Variants in NAALADL2 observed in about 807,000 individuals in gnomAD.
NAALADL2 encodes the protein N-acetylated alpha-linked acidic dipeptidase like 2.
Under a neutral mutation model 87.2 loss-of-function variants are expected in NAALADL2, and 76 were observed. The observed-to-expected ratio is 0.87, with a 90% CI of 0.72 to 1.05. The LOEUF is 1.05. Among genes scored for constraint, NAALADL2 ranks in the 50% least tolerant of loss-of-function variants. The pLI is 0.00. For missense variants in NAALADL2, 1,089 were observed against 945.8 expected, an observed-to-expected ratio of 1.15 and a Z score of -1.99; for synonymous variants, 354 against 331.0, an observed-to-expected ratio of 1.07 and a Z score of -0.75.
At chr3:174,961,023 C>T (rs1360102435) in intron 1 of NAALADL2, among the ~76,000 whole-genome samples, 1 of 144,992 alleles carries the variant, frequency 6.9e-6, no homozygotes, top group African/African-American at 2.5e-5. Flanking sequence ...GGCTACAGAA[C>T]AAGACCTTGT....
chr3:175,628,617 G>GTATATATATATATATATATATA (rs34276529), intron 11 of NAALADL2, among the ~76,000 whole-genome samples: 23 of 139,190 alleles, frequency 1.7e-4, no homozygotes, highest in African/African-American at 5.5e-4. Flanking sequence ...CTCTCTCTAT[G>GTATATATATATATATATATATA]TATATATATA....
At chr3:174,623,297 A>G (rs1427917599) in intron 2 of NAALADL2, among the ~76,000 whole-genome samples, 1 of 152,186 alleles carries the variant, frequency 6.6e-6, no homozygotes, top group Non-Finnish European at 1.5e-5. Flanking sequence ...ATTACATAAT[A>G]TGTACTAGAG....
At chr3:175,127,607 A>AC (rs1211740521) in intron 2 of NAALADL2, among the ~76,000 whole-genome samples, 1 of 152,218 alleles carries the variant, frequency 6.6e-6, no homozygotes, top group Admixed American at 6.5e-5. Flanking sequence ...ACATTTTGTG[A>AC]CCCCTTATCT....
chr3:174,985,316 C>G (rs1745708175), intron 1 of NAALADL2, among the ~76,000 whole-genome samples: 1 of 152,128 alleles, frequency 6.6e-6, no homozygotes. Flanking sequence ...AGAAGTGATT[C>G]ACAGATGTTG....
chr3:174,640,577 C>T (rs940468080), intron 2 of NAALADL2, among the ~76,000 whole-genome samples: 2 of 152,184 alleles, frequency 1.3e-5, no homozygotes, highest in Non-Finnish European at 2.9e-5. Flanking sequence ...CAAGCCAGGC[C>T]AAGCCGGTAA....
At chr3:175,528,858 A>G (rs1244109207) in intron 9 of NAALADL2, among the ~76,000 whole-genome samples, 1 of 152,248 alleles carries the variant, frequency 6.6e-6, no homozygotes, top group Non-Finnish European at 1.5e-5. Flanking sequence ...TGCTTTTAAC[A>G]AAAGAAGGAG....
At chr3:174,565,090 C>T (rs559883260) in intron 2 of NAALADL2, among the ~76,000 whole-genome samples, 2 of 152,056 alleles carry the variant, frequency 1.3e-5, no homozygotes, top group East Asian at 1.9e-4. Flanking sequence ...ACCACCATCC[C>T]CCCTTGTTTG....
At chr3:174,622,998 G>A (rs948483120) in intron 2 of NAALADL2, among the ~76,000 whole-genome samples, 7 of 152,152 alleles carry the variant, frequency 4.6e-5, no homozygotes, top group Admixed American at 1.3e-4. Context: ...AGCCAAGATC[G>A]CGCCACTGCA....
At chr3:175,227,031 C>A (rs1225089225) in intron 2 of NAALADL2, among the ~76,000 whole-genome samples, 2 of 151,802 alleles carry the variant, frequency 1.3e-5, no homozygotes, top group African/African-American at 4.8e-5. Flanking sequence ...GAAATATCAC[C>A]CGGTATAGTA....
chr3:175,380,486 A>G (rs1767663572), intron 5 of NAALADL2, among the ~76,000 whole-genome samples: 1 of 152,184 alleles, frequency 6.6e-6, no homozygotes, highest in Admixed American at 6.5e-5. Flanking sequence ...AAAGAATTAC[A>G]GACAAAAATA....
intron 2 of NAALADL2, among the ~76,000 whole-genome samples, chr3:174,555,230 G>C (rs1438397608): frequency 1.3e-5 from 2 of 152,176 alleles, no homozygotes; most frequent in Non-Finnish European, 2.9e-5. Flanking sequence ...AAAGAGAAAA[G>C]CATAACAAAT....
At chr3:174,897,044 A>T (rs980905046) in intron 1 of NAALADL2, among the ~76,000 whole-genome samples, 1 of 152,212 alleles carries the variant, frequency 6.6e-6, no homozygotes, top group Admixed American at 6.5e-5. Context: ...TAAATCTAAG[A>T]CTTTAAACTA....
intron 5 of NAALADL2, among the ~76,000 whole-genome samples, chr3:175,398,355 T>TTG (rs1560489498): frequency 4.7e-4 from 71 of 150,636 alleles, no homozygotes; most frequent in Non-Finnish European, 8.7e-4. Context: ...TTTTTTTTTT[T>TTG]TTTTTTTTTT....
chr3:174,475,704 C>T (rs181647728), intron 1 of NAALADL2, among the ~76,000 whole-genome samples: 58 of 152,030 alleles, frequency 3.8e-4, no homozygotes, highest in African/African-American at 1.2e-3. Flanking sequence ...TCAAGGGATT[C>T]AAGTTTAGGA....
intron 3 of NAALADL2, among the ~76,000 whole-genome samples, chr3:174,807,074 C>T (rs1719592334): frequency 6.6e-6 from 1 of 152,046 alleles, no homozygotes; most frequent in Non-Finnish European, 1.5e-5. Flanking sequence ...AAAGTACCTA[C>T]TAGAAATGTG....
intron 2 of NAALADL2, among the ~76,000 whole-genome samples, chr3:175,215,416 G>A (rs965432950): frequency 2.0e-5 from 3 of 151,932 alleles, no homozygotes; most frequent in African/African-American, 7.3e-5. Flanking sequence ...TTCTATGTCC[G>A]GGAGCTGAAG....
intron 5 of NAALADL2, among the ~76,000 whole-genome samples, chr3:175,363,718 A>G (rs774810725): frequency 6.8e-6 from 1 of 148,136 alleles, no homozygotes; most frequent in Non-Finnish European, 1.5e-5. Flanking sequence ...ATTTGCCACT[A>G]TTCTTTAAAA....
chr3:175,652,067 G>T (rs191808004), intron 11 of NAALADL2, among the ~76,000 whole-genome samples: 167 of 152,268 alleles, frequency 1.1e-3, no homozygotes, highest in Admixed American at 5.0e-3. Context: ...TTTCTATGTG[G>T]TGCTAGCTTG....
At chr3:175,635,201 G>A (rs993255037) in intron 11 of NAALADL2, among the ~76,000 whole-genome samples, 9 of 151,926 alleles carry the variant, frequency 5.9e-5, no homozygotes, top group East Asian at 1.9e-4. Flanking sequence ...GTAAAGACAC[G>A]CCTTATACTA....
Sources: gnomAD v4.1 joint callset for allele counts (sites outside exome capture counted in the v4.1 genomes callset) on GRCh38, gnomAD v4.1.1 for gene constraint, MANE v1.5 for transcripts, NCBI Gene and HGNC (gene_info 2026-07-23, HGNC 2026-07-21) for gene names.